The following PLPP3 variants were observed in gnomAD, a reference collection of about 807,000 sequenced individuals.
PLPP3 encodes the protein PAP2 beta.
In PLPP3, 6 loss-of-function variants were observed where a neutral mutation model predicts 29.6. That is an observed-to-expected ratio of 0.20 (90% CI 0.11 to 0.40). The LOEUF is 0.40. PLPP3 is among the 10% of genes least tolerant of loss of function. The pLI, the probability that PLPP3 is intolerant of heterozygous loss-of-function variation, is 1.00. For synonymous variants in PLPP3, 152 were observed against 159.7 expected, an observed-to-expected ratio of 0.95 and a Z score of 0.36; for missense variants, 308 against 407.7, an observed-to-expected ratio of 0.76 and a Z score of 2.11.
chr1:56,516,884 C>G (rs963574636), intron 4 of PLPP3: 24 of 152,024 alleles, frequency 1.6e-4, no homozygotes, highest in African/African-American at 5.8e-4. Context: ...GCATGTAGAA[C>G]TCACTCTGTC....
At chr1:56,522,590 G>A (rs776815969) in intron 4 of PLPP3, among the ~76,000 whole-genome samples, 9 of 152,122 alleles carry the variant, frequency 5.9e-5, no homozygotes, top group Non-Finnish European at 1.0e-4. Context: ...ATAAGTTGGG[G>A]CTCATCTTTC....
Position 56,524,341 on chromosome 1 carries a change from A to G in PLPP3, c.511T>C (p.Cys171Arg). 1 of 1,614,076 alleles carries G rather than the reference A, an allele frequency of 6.2e-7. No homozygotes were observed. Among genetic ancestry groups the G allele is most frequent in the Non-Finnish European group, 8.5e-7 (1 of 1,179,958 alleles). ...TAGTTCTGAATGTAGCCTTCAGAGC[A>G]GTTGATCTGGCTGAAATCAGGGTTG... ...VCNPDFSQIN[C>R]SEGYIQNYRC... The change falls in exon 3 of 6, where the codon TGC becomes CGC. Residue 171 changes from cysteine to arginine, a missense_variant. Cys to Arg is a radical substitution (Grantham distance 180, BLOSUM62 -3). Coordinates refer to ENST00000371250, the MANE Select transcript of PLPP3 (RefSeq NM_003713.5). This position sits in a 1 kb window ranked among gnomAD's most constrained non-coding sequence, Gnocchi z 4.3.
intron 1 of PLPP3, 149 bp downstream of exon 1, chr1:56,578,729 G>T: frequency 1.2e-6 from 1 of 852,260 alleles, no homozygotes; most frequent in Non-Finnish European, 1.5e-6. Flanking sequence ...TCGGGCCTGG[G>T]CGGCGCAAAG....
intron 2 of PLPP3, among the ~76,000 whole-genome samples, chr1:56,534,540 G>T (rs1645911739): frequency 1.3e-5 from 2 of 152,090 alleles, no homozygotes; most frequent in Non-Finnish European, 2.9e-5. Context: ...CAAGCAGCAG[G>T]ATGATGGTTC....
chr1:56,558,654 A>G (rs1478685747), intron 1 of PLPP3, among the ~76,000 whole-genome samples: 1 of 152,186 alleles, frequency 6.6e-6, no homozygotes, highest in Non-Finnish European at 1.5e-5. Context: ...AGTAGAAATC[A>G]TTGTCTCCAT....
intron 1 of PLPP3, among the ~76,000 whole-genome samples, chr1:56,558,000 A>G (rs898423209): frequency 6.6e-6 from 1 of 152,170 alleles, no homozygotes; most frequent in African/African-American, 2.4e-5. Flanking sequence ...GAGAACTCTG[A>G]TGCCTTGGCA....
intron 2 of PLPP3, among the ~76,000 whole-genome samples, chr1:56,526,179 A>G (rs961939449): frequency 6.6e-6 from 1 of 152,214 alleles, no homozygotes; most frequent in Non-Finnish European, 1.5e-5. Flanking sequence ...GGGACCCTGC[A>G]TAGATGCTCA....
At position 56,568,908 on chromosome 1, in the gene PLPP3, A is replaced by G. The variant is rs1465270642; in HGVS notation, c.139+9970T>C. 5.9e-5 allele frequency among the ~76,000 whole-genome samples: 9 copies of G among 151,770 alleles called. No homozygotes were observed. The East Asian group carries it at 1.8e-3, about 30-fold the overall frequency. ...CCCAAGTGCTGGGATTACAGGCGTG[A>G]GCCACCGCGCCCGGCCCTGTCATGT... On this transcript the variant is annotated intron_variant, in intron 1 of 5. Coordinates refer to ENST00000371250, the MANE Select transcript of PLPP3 (RefSeq NM_003713.5).
In PLPP3 at chr1:56,563,034, C is replaced by T. The variant is rs1646140875; in HGVS notation, c.139+15844G>A. Among the ~76,000 whole-genome samples, 2 of 152,170 alleles carry T rather than the reference C, an allele frequency of 1.3e-5. 1 individual carries two copies. The highest frequency in any genetic ancestry group is 4.1e-4 in the South Asian group (2 of 4,832). On this transcript the variant is annotated intron_variant, in intron 1 of 5. Transcript: ENST00000371250. Reference sequence around the variant, plus strand: ...TGGGTGTTTCCTATTCATCCTTGGTCCACAGTGGAGGAAGAGCCCTTGCTA... The same window carrying T: ...TGGGTGTTTCCTATTCATCCTTGGTTCACAGTGGAGGAAGAGCCCTTGCTA...
chr1:56,516,688 A>G (rs2100238656), intron 4 of PLPP3, among the ~76,000 whole-genome samples: 1 of 152,086 alleles, frequency 6.6e-6, no homozygotes, highest in Non-Finnish European at 1.5e-5. Context: ...TTGCAGCCAC[A>G]GCAACTAGAT....
chr1:56,557,022 GAGA>G (rs1646085018), intron 1 of PLPP3, among the ~76,000 whole-genome samples: 2 of 13,050 alleles, frequency 1.5e-4, no homozygotes, highest in African/African-American at 2.0e-4. Flanking sequence ...GAGAGAGAGA[GAGA>G]AAGAGAGAGA....
At chr1:56,561,547 G>T (rs1227566406) in intron 1 of PLPP3, among the ~76,000 whole-genome samples, 1 of 151,928 alleles carries the variant, frequency 6.6e-6, no homozygotes, top group Non-Finnish European at 1.5e-5. Flanking sequence ...GCTACCTCAG[G>T]ATTGTGGTAT....
intron 5 of PLPP3, among the ~76,000 whole-genome samples, chr1:56,506,476 C>A (rs2100226449): frequency 6.6e-6 from 1 of 152,278 alleles, no homozygotes. Context: ...GCAAGCGGAG[C>A]CACACCCCCG....
intron 1 of PLPP3, among the ~76,000 whole-genome samples, chr1:56,570,814 A>T (rs1220745896): frequency 2.0e-5 from 3 of 152,258 alleles, no homozygotes; most frequent in Admixed American, 1.3e-4. Flanking sequence ...CCCCTGAGAT[A>T]CATCATTTGA....
chr1:56,566,253 G>A (rs1481179463), intron 1 of PLPP3, among the ~76,000 whole-genome samples: 5 of 152,230 alleles, frequency 3.3e-5, no homozygotes. Flanking sequence ...GCATGGAGTA[G>A]TGGAGAAAAG....
At chr1:56,571,127 T>C (rs1013962685) in intron 1 of PLPP3, among the ~76,000 whole-genome samples, 7 of 152,322 alleles carry the variant, frequency 4.6e-5, no homozygotes, top group African/African-American at 1.7e-4. Context: ...AGCAGAATGG[T>C]AGAAAGGCAA....
At chr1:56,553,632 T>C (rs1569588898) in intron 1 of PLPP3, among the ~76,000 whole-genome samples, 1 of 152,182 alleles carries the variant, frequency 6.6e-6, no homozygotes, top group African/African-American at 2.4e-5. Context: ...TTTCCCTACA[T>C]AGACTCCCTC....
intron 2 of PLPP3, among the ~76,000 whole-genome samples, chr1:56,528,655 T>C (rs1368061671): frequency 5.3e-5 from 8 of 151,952 alleles, no homozygotes; most frequent in Non-Finnish European, 1.2e-4. Context: ...TTAACTTTTT[T>C]CTTCCCTCCA....
chr1:56,547,016 C>T (rs539165815), intron 1 of PLPP3, among the ~76,000 whole-genome samples: 1 of 152,190 alleles, frequency 6.6e-6, no homozygotes, highest in Non-Finnish European at 1.5e-5. Flanking sequence ...AATTAAAGTC[C>T]ATCAGATATT....
Sources: gnomAD v4.1 joint callset for allele counts (sites outside exome capture counted in the v4.1 genomes callset) on GRCh38, gnomAD v4.1.1 for gene constraint, Gnocchi (gnomAD v3.1) non-coding constraint, MANE v1.5 for transcripts, NCBI Gene and HGNC (gene_info 2026-07-23, HGNC 2026-07-21) for gene names.